The following SNX13 variants were observed in gnomAD, a reference collection of about 807,000 sequenced individuals.
SNX13 encodes the protein sorting nexin-13.
Under a neutral mutation model 133.6 loss-of-function variants are expected in SNX13, and 45 were observed. The observed-to-expected ratio is 0.34, with a 90% CI of 0.27 to 0.43. The LOEUF (loss-of-function observed/expected upper bound fraction) is 0.43. Ranked by LOEUF, SNX13 falls within the 20% of genes least tolerant of loss-of-function variation. The pLI is 1.00. For synonymous variants in SNX13, 414 were observed against 373.9 expected, an observed-to-expected ratio of 1.11 and a Z score of -1.24; for missense variants, 1,032 against 1,145.1, an observed-to-expected ratio of 0.90 and a Z score of 1.43.
At chr7:17,843,187 A>G (rs1674232258) in intron 12 of SNX13, among the ~76,000 whole-genome samples, 1 of 152,092 alleles carries the variant, frequency 6.6e-6, no homozygotes, top group African/African-American at 2.4e-5. Context: ...TACTGTCTAC[A>G]AAGACTTTAG....
chr7:17,853,439 T>C (rs1583484553), intron 9 of SNX13, among the ~76,000 whole-genome samples: 3 of 152,306 alleles, frequency 2.0e-5, no homozygotes, highest in African/African-American at 2.4e-5. Flanking sequence ...TACAAGACTA[T>C]GTAAAAAGAT....
At chr7:17,831,795 G>A (rs777136873) in intron 15 of SNX13, 629 of 982,860 alleles carry the variant, frequency 6.4e-4, no homozygotes, top group South Asian at 1.0e-3. Context: ...CAAAAAAAGT[G>A]GAAAGGCCTA....
intron 9 of SNX13, among the ~76,000 whole-genome samples, chr7:17,863,134 C>A (rs1301335145): frequency 6.6e-6 from 1 of 152,108 alleles, no homozygotes. Flanking sequence ...AGCATTTAGA[C>A]CAGCCCTGAG....
chr7:17,876,400 G>T (rs569894245), intron 5 of SNX13, among the ~76,000 whole-genome samples: 4 of 152,228 alleles, frequency 2.6e-5, no homozygotes, highest in African/African-American at 9.6e-5. Context: ...AGTCGACATG[G>T]TGAAACTGTC....
At chr7:17,853,587 CA>C (rs1791505359) in intron 9 of SNX13, among the ~76,000 whole-genome samples, 2 of 152,318 alleles carry the variant, frequency 1.3e-5, no homozygotes, top group South Asian at 4.1e-4. Flanking sequence ...AAATATCCTT[CA>C]AACTTGGCAG....
intron 1 of SNX13, among the ~76,000 whole-genome samples, chr7:17,929,343 T>C (rs971435379): frequency 6.6e-6 from 1 of 152,124 alleles, no homozygotes; most frequent in African/African-American, 2.4e-5. Flanking sequence ...TATAATAGTT[T>C]ATTCTATTAT....
chr7:17,875,800 AAC>A lies in SNX13; in HGVS notation c.441-12_441-11del. Reference sequence around the variant, plus strand: ...GTCTATTTCTTTTGACCTTATAAAAAACACATTACATAAAAGGATTATATAAA... The same window carrying A: ...GTCTATTTCTTTTGACCTTATAAAAAACATTACATAAAAGGATTATATAAA... On this transcript the variant is annotated splice_polypyrimidine_tract_variant and intron_variant, in intron 5 of 25. Transcript: ENST00000428135. 6.4e-7 allele frequency: 1 copy of A among 1,571,154 alleles called. No individual in the cohort carries two copies. Among genetic ancestry groups the A allele is most frequent in the Non-Finnish European group, 8.6e-7 (1 of 1,156,862 alleles).
At chr7:17,845,038 T>C (rs539694548) in intron 12 of SNX13, among the ~76,000 whole-genome samples, 4 of 152,244 alleles carry the variant, frequency 2.6e-5, no homozygotes, top group African/African-American at 9.6e-5. Context: ...AAGACAAAGA[T>C]GCCTGTGTTT....
At chr7:17,851,932 A>G (rs1418852331) in intron 9 of SNX13, among the ~76,000 whole-genome samples, 2 of 152,182 alleles carry the variant, frequency 1.3e-5, no homozygotes, top group African/African-American at 4.8e-5. Flanking sequence ...GGAATAATCA[A>G]GAGAATGAGG....
chr7:17,935,709 T>C (rs957120778), intron 1 of SNX13, among the ~76,000 whole-genome samples: 1 of 152,086 alleles, frequency 6.6e-6, no homozygotes, highest in Non-Finnish European at 1.5e-5. Flanking sequence ...GTGTGTAGAG[T>C]GGCAAGCCAA....
Position 17,845,642 on chromosome 7 carries a change from G to C in SNX13, c.1118C>G (p.Pro373Arg). Residue 373 changes from proline (P) to arginine (R), a missense_variant, in exon 12 of 26, where the codon CCC becomes CGC. By Grantham distance (103) the Pro-to-Arg change is moderately radical. Transcript: ENST00000428135. ...AANFGKLCTV[P>R]LDSILVDNVA... is the part of the protein sequence containing the mutation. ...ATTGTCTACAAGAATGCTGTCCAGG[G>C]GGACTGTGCAAAGTTTCCCAAAGTT... The C allele has an allele frequency of 1.9e-6, 3 of 1,603,596 alleles. No individual in the cohort carries two copies. The highest frequency in any genetic ancestry group is 2.7e-5 in the African/African-American group (2 of 74,630).
intron 15 of SNX13, chr7:17,831,747 A>G: frequency 1.0e-6 from 1 of 984,078 alleles, no homozygotes; most frequent in Non-Finnish European, 1.2e-6. Context: ...TGTAGTGCTC[A>G]GCAGCTTAAT....
At chr7:17,824,228 T>C (rs1787619896) in intron 17 of SNX13, among the ~76,000 whole-genome samples, 1 of 152,162 alleles carries the variant, frequency 6.6e-6, no homozygotes, top group Non-Finnish European at 1.5e-5. Flanking sequence ...ACTAATCATA[T>C]TGTTTAATTT....
chr7:17,872,046 C>T (rs1038065027), intron 8 of SNX13, among the ~76,000 whole-genome samples: 15 of 152,146 alleles, frequency 9.9e-5, no homozygotes, highest in Admixed American at 9.8e-4. Context: ...CTGTGAGTCA[C>T]TCAAGTGGTG....
At chr7:17,801,723 A>T in intron 21 of SNX13, 64 bp from the exon 22 acceptor site, 1 of 1,224,240 alleles carries the variant, frequency 8.2e-7, no homozygotes, top group South Asian at 1.4e-5. Context: ...AACACAACAC[A>T]ATCATAAACC....
chr7:17,914,738 A>C (rs1261491017), intron 1 of SNX13, among the ~76,000 whole-genome samples: 1 of 152,230 alleles, frequency 6.6e-6, no homozygotes, highest in Non-Finnish European at 1.5e-5. Context: ...CTAAACATGA[A>C]AACAAAATAA....
chr7:17,931,254 A>G (rs1801361268), intron 1 of SNX13, among the ~76,000 whole-genome samples: 4 of 152,254 alleles, frequency 2.6e-5, no homozygotes, highest in Admixed American at 6.5e-5. Flanking sequence ...AAAACAAGCT[A>G]TCTCAAACTC....
rs538654032 is a variant in SNX13, at chr7:17,932,478, C to T, written c.12+7806G>A. Among the ~76,000 whole-genome samples, 3 of 152,212 alleles carry T rather than the reference C, an allele frequency of 2.0e-5. No homozygotes were observed. In the South Asian group the frequency reaches 6.2e-4, roughly 32 times the overall value. On this transcript the variant is annotated intron_variant, in intron 1 of 25. Transcript: ENST00000428135. ...AATTTATCACTGACAATTTCATCTC[C>T]GTAATTTTTCACTTTAATCTTAATT... is the stretch of plus-strand genomic sequence containing the variant.
intron 19 of SNX13, 82 bp downstream of exon 19, chr7:17,816,100 G>A: frequency 1.4e-6 from 2 of 1,391,536 alleles, no homozygotes; most frequent in Non-Finnish European, 1.9e-6. Context: ...AACATTCTGT[G>A]TGCTATATTA....
Sources: gnomAD v4.1 joint callset for allele counts (sites outside exome capture counted in the v4.1 genomes callset) on GRCh38, gnomAD v4.1.1 for gene constraint, MANE v1.5 for transcripts, NCBI Gene and HGNC (gene_info 2026-07-23, HGNC 2026-07-21) for gene names.